Variants in ITGA4 observed in about 807,000 individuals in gnomAD.
ITGA4 encodes the protein integrin subunit alpha 4.
Under a neutral mutation model 133.6 loss-of-function variants are expected in ITGA4, and 63 were observed. The ratio of observed to expected loss-of-function variants is 0.47; its 90% confidence interval spans 0.38 to 0.58. The LOEUF is 0.58. Among genes scored for constraint, ITGA4 ranks in the 20% least tolerant of loss-of-function variants. ITGA4 has a pLI of 0.00. For synonymous variants in ITGA4, 483 were observed against 438.0 expected, an observed-to-expected ratio of 1.10 and a Z score of -1.28; for missense variants, 1,076 against 1,252.7, an observed-to-expected ratio of 0.86 and a Z score of 2.13.
At position 181,524,249 on chromosome 2, in the gene ITGA4, TG is replaced by T; in HGVS notation, c.2249+1del. ...EDLSITVHAT[C>X]ENEEEMDNLK... ...CCTCAGTATCACAGTGCATGCTACC[TG>T]GTATAATTTATTGTTAATAAAATGA... On this transcript the variant is annotated frameshift_variant and splice_region_variant, in exon 20 of 28. Transcript: ENST00000397033. LOFTEE classifies it high-confidence loss of function. The T allele has an allele frequency of 1.3e-6, 2 of 1,535,190 alleles. No homozygotes were observed. Among genetic ancestry groups the T allele is most frequent in the Non-Finnish European group, 1.8e-6 (2 of 1,127,414 alleles).
chr2:181,534,552 C>A (rs1687015060), intron 26 of ITGA4, among the ~76,000 whole-genome samples, 182 bp downstream of exon 26: 1 of 152,016 alleles, frequency 6.6e-6, no homozygotes, highest in Non-Finnish European at 1.5e-5. Context: ...AACAATACAG[C>A]AGTTCTTTCA....
At chr2:181,532,840 C>A (rs1686972951) in intron 25 of ITGA4, among the ~76,000 whole-genome samples, 1 of 152,106 alleles carries the variant, frequency 6.6e-6, no homozygotes. Flanking sequence ...GGGAATGCTT[C>A]CAGTTTTTGC....
rs763634876 is a variant in ITGA4, at chr2:181,495,338, G to T, written c.1340-33G>T. On this transcript the variant is annotated intron_variant, in intron 12 of 27. Transcript: ENST00000397033. The surrounding 1 kb of genome is among the most constrained non-coding windows in gnomAD (Gnocchi z 4.3). ...AAAATAATTCTCTTTGACTAATGAT[G>T]ATCATTAATCTGTGTTGTTTTTTAT... 3.9e-6 allele frequency: 6 copies of T among 1,543,298 alleles called. No homozygotes were observed. In the South Asian group the frequency reaches 4.5e-5, roughly 12 times the overall value.
rs575452356 is a variant in ITGA4, at chr2:181,516,633, G to T, written c.1922+4858G>T. ...GTTATGGTTGAAGGAGAATGGAGTC[G>T]TCATGATCACAGTAAATTGATCCTG... On this transcript the variant is annotated intron_variant, in intron 17 of 27. Coordinates refer to ENST00000397033, the MANE Select transcript of ITGA4 (RefSeq NM_000885.6). This position sits in a 1 kb window ranked among gnomAD's most constrained non-coding sequence, Gnocchi z 4.0. Among the ~76,000 whole-genome samples the T allele has an allele frequency of 1.3e-5, 2 of 152,006 alleles. No individual in the cohort carries two copies. Among genetic ancestry groups the T allele is most frequent in the African/African-American group, 2.4e-5 (1 of 41,408 alleles).
intron 2 of ITGA4, among the ~76,000 whole-genome samples, chr2:181,459,750 A>C (rs1174757096): frequency 1.3e-5 from 2 of 152,204 alleles, no homozygotes; most frequent in Admixed American, 6.5e-5. Context: ...GGAGCCGACA[A>C]CTTTGGTCTG....
At chr2:181,530,069 C>A (rs1272485353) in intron 23 of ITGA4, among the ~76,000 whole-genome samples, 3 of 152,116 alleles carry the variant, frequency 2.0e-5, no homozygotes, top group African/African-American at 7.2e-5. Flanking sequence ...GATATTCTTG[C>A]ACTGATGGTT....
At chr2:181,498,576 A>T (rs1384235878) in intron 14 of ITGA4, 47 bp from the exon 15 acceptor site, 2 of 1,180,916 alleles carry the variant, frequency 1.7e-6, no homozygotes, top group Non-Finnish European at 2.5e-6. Context: ...ATAACAATAG[A>T]TGTATTTCAG....
chr2:181,481,853 T>C (rs966157244), intron 7 of ITGA4, among the ~76,000 whole-genome samples, 170 bp downstream of exon 7: 4 of 152,110 alleles, frequency 2.6e-5, no homozygotes, highest in Non-Finnish European at 5.9e-5. Context: ...TTAGAAGAAA[T>C]TTAGCAAAAA....
chr2:181,527,571 T>A (rs1250057659), intron 22 of ITGA4, 184 bp downstream of exon 22: 1 of 513,444 alleles, frequency 1.9e-6, no homozygotes, highest in Non-Finnish European at 3.6e-6. Context: ...TCCACTTGTC[T>A]TGTCCCTGAT....
intron 2 of ITGA4, among the ~76,000 whole-genome samples, chr2:181,466,697 G>A (rs1192235164): frequency 6.6e-6 from 1 of 152,076 alleles, no homozygotes; most frequent in African/African-American, 2.4e-5. Flanking sequence ...GTTTAATATA[G>A]TCAATTATTA....
At chr2:181,471,547 A>G (rs1246206166) in intron 2 of ITGA4, among the ~76,000 whole-genome samples, 1 of 152,230 alleles carries the variant, frequency 6.6e-6, no homozygotes, top group Non-Finnish European at 1.5e-5. Flanking sequence ...TTCAGTATCT[A>G]AGAGTGGATT....
chr2:181,498,002 T>C (rs1044038894), intron 14 of ITGA4, among the ~76,000 whole-genome samples: 1 of 152,026 alleles, frequency 6.6e-6, no homozygotes, highest in Non-Finnish European at 1.5e-5. Flanking sequence ...ATTGCACAAA[T>C]TAACACTGGA....
intron 2 of ITGA4, among the ~76,000 whole-genome samples, chr2:181,459,624 T>C (rs1302535091): frequency 6.6e-6 from 1 of 152,198 alleles, no homozygotes; most frequent in Non-Finnish European, 1.5e-5. Context: ...GCATCCTCAA[T>C]ACCAGAAATC....
chr2:181,486,156 A>G (rs537199963), intron 10 of ITGA4, 164 bp downstream of exon 10: 13 of 753,166 alleles, frequency 1.7e-5, no homozygotes, highest in Admixed American at 3.8e-5. Flanking sequence ...CTTCTCCTCA[A>G]TTGTCACCCA....
chr2:181,497,155 A>G (rs1686173231), intron 14 of ITGA4, among the ~76,000 whole-genome samples: 1 of 152,224 alleles, frequency 6.6e-6, no homozygotes, highest in Non-Finnish European at 1.5e-5. Flanking sequence ...AAGCTGAAGG[A>G]TAATCTGAAA....
intron 15 of ITGA4, among the ~76,000 whole-genome samples, chr2:181,507,386 T>G (rs1686414744): frequency 6.6e-6 from 1 of 152,158 alleles, no homozygotes; most frequent in Admixed American, 6.6e-5. Context: ...TAGGTTACTT[T>G]AGTAGTAAAA....
intron 15 of ITGA4, among the ~76,000 whole-genome samples, chr2:181,502,146 A>T (rs1686286613): frequency 6.6e-6 from 1 of 152,132 alleles, no homozygotes; most frequent in African/African-American, 2.4e-5. Flanking sequence ...GCTTGATCAA[A>T]TAAGATGAGG....
In ITGA4 at chr2:181,537,101, A is replaced by ACTTTATGACATTTAT. The variant is rs1559062842; in HGVS notation, c.*1575_*1589dup. 2.2e-6 allele frequency: 1 copy of ACTTTATGACATTTAT among 452,508 alleles called. No individual in the cohort carries two copies. The highest frequency in any genetic ancestry group is 1.6e-5 in the South Asian group (1 of 64,258). 28.0% of individuals were successfully genotyped at this position (452,508 alleles called of 1,614,324 possible). A position where few individuals can be genotyped will look rare whatever the true frequency, so the allele number is the denominator to read the frequency against. Reference sequence around the variant, plus strand: ...CCAGAGTGTGTATACACAGGAATAAACTTTATGACATTTATGTATTTTTAA... The same window carrying ACTTTATGACATTTAT: ...CCAGAGTGTGTATACACAGGAATAAACTTTATGACATTTATCTTTATGACATTTATGTATTTTTAA... On this transcript the variant is annotated 3_prime_UTR_variant, in exon 28 of 28. Coordinates refer to ENST00000397033, the MANE Select transcript of ITGA4 (RefSeq NM_000885.6).
At chr2:181,491,216 A>G (rs1163308302) in intron 10 of ITGA4, among the ~76,000 whole-genome samples, 1 of 152,214 alleles carries the variant, frequency 6.6e-6, no homozygotes, top group Non-Finnish European at 1.5e-5. Flanking sequence ...GCCTTAATCT[A>G]GATCACTCTT....
Sources: gnomAD v4.1 joint callset for allele counts (sites outside exome capture counted in the v4.1 genomes callset) on GRCh38, gnomAD v4.1.1 for gene constraint, Gnocchi (gnomAD v3.1) non-coding constraint, MANE v1.5 for transcripts, NCBI Gene and HGNC (gene_info 2026-07-23, HGNC 2026-07-21) for gene names.